Variants in SYNDIG1 observed in about 807,000 individuals in gnomAD.
SYNDIG1 encodes the protein synapse differentiation inducing 1, also known as synapse differentiation-inducing gene protein 1.
A neutral mutation model predicts 19.4 loss-of-function variants in SYNDIG1; 9 were observed. That is an observed-to-expected ratio of 0.46 (90% CI 0.28 to 0.81). The LOEUF (loss-of-function observed/expected upper bound fraction) is 0.81. Ranked by LOEUF, SYNDIG1 falls within the 30% of genes least tolerant of loss-of-function variation. SYNDIG1 has a pLI of 0.12. For missense variants in SYNDIG1, 311 were observed against 343.3 expected, an observed-to-expected ratio of 0.91 and a Z score of 0.74; for synonymous variants, 141 against 145.9, an observed-to-expected ratio of 0.97 and a Z score of 0.24.
intron 3 of SYNDIG1, among the ~76,000 whole-genome samples, chr20:24,648,858 A>G (rs2059444042): frequency 6.6e-6 from 1 of 152,236 alleles, no homozygotes; most frequent in Non-Finnish European, 1.5e-5. Context: ...CACTATTGCT[A>G]TATTCATGTT....
chr20:24,498,741 C>T (rs146733304), intron 1 of SYNDIG1, among the ~76,000 whole-genome samples: 5 of 152,332 alleles, frequency 3.3e-5, no homozygotes, highest in African/African-American at 1.2e-4. Flanking sequence ...TCACAGAGGT[C>T]AGGATTTCCC....
intron 3 of SYNDIG1, among the ~76,000 whole-genome samples, chr20:24,636,925 G>A (rs2059322023): frequency 6.6e-6 from 1 of 152,210 alleles, no homozygotes; most frequent in African/African-American, 2.4e-5. Flanking sequence ...ACAGACCTAG[G>A]TTCTGCCTGG....
chr20:24,641,908 G>A (rs2059380953), intron 3 of SYNDIG1, among the ~76,000 whole-genome samples: 2 of 152,154 alleles, frequency 1.3e-5, no homozygotes, highest in South Asian at 4.1e-4. Flanking sequence ...TCCCTTAACT[G>A]GTTTCTCCTT....
At chr20:24,477,381 C>T (rs1168018677) in intron 1 of SYNDIG1, among the ~76,000 whole-genome samples, 2 of 152,072 alleles carry the variant, frequency 1.3e-5, no homozygotes, top group Non-Finnish European at 2.9e-5. Flanking sequence ...TGGACACCTC[C>T]CTCCTCCCTA....
At chr20:24,578,314 G>C (rs558599011) in intron 2 of SYNDIG1, among the ~76,000 whole-genome samples, 1 of 151,990 alleles carries the variant, frequency 6.6e-6, no homozygotes, top group Non-Finnish European at 1.5e-5. Flanking sequence ...ATGATGGCAC[G>C]TACCTGTAAT....
At chr20:24,479,039 C>T (rs1197169669) in intron 1 of SYNDIG1, among the ~76,000 whole-genome samples, 1 of 152,194 alleles carries the variant, frequency 6.6e-6, no homozygotes, top group Non-Finnish European at 1.5e-5. Flanking sequence ...TGATCTTCCT[C>T]GAATTTCTAT....
chr20:24,566,349 A>G (rs1047483505), intron 2 of SYNDIG1, among the ~76,000 whole-genome samples: 2 of 152,250 alleles, frequency 1.3e-5, no homozygotes, highest in Non-Finnish European at 2.9e-5. Flanking sequence ...TCTAAGATAT[A>G]AATGAAACTA....
chr20:24,560,003 G>A (rs1379893769), intron 2 of SYNDIG1, among the ~76,000 whole-genome samples: 2 of 141,586 alleles, frequency 1.4e-5, no homozygotes, highest in Non-Finnish European at 3.1e-5. Context: ...TCATATTTGG[G>A]AAGGTTTTGG....
At position 24,481,810 on chromosome 20, in the gene SYNDIG1, A is replaced by G. The variant is rs527423986; in HGVS notation, c.-79+12057A>G. On this transcript the variant is annotated intron_variant, in intron 1 of 3. Coordinates refer to ENST00000376862, the MANE Select transcript of SYNDIG1 (RefSeq NM_024893.3). ...AGTAGGTAGTTGGACTGTAAAGTCA[A>G]TTTATATCTCCCTATTTCATAAAAA... Among the ~76,000 whole-genome samples, 59 of 152,348 alleles carry G rather than the reference A, an allele frequency of 3.9e-4. 1 individual carries two copies. Among genetic ancestry groups the G allele is most frequent in the African/African-American group, 5.8e-4 (24 of 41,586 alleles).
At position 24,521,269 on chromosome 20, in the gene SYNDIG1, T is replaced by A. The variant is rs374411390; in HGVS notation, c.-78-21751T>A. 2.0e-5 allele frequency among the ~76,000 whole-genome samples: 3 copies of A among 152,332 alleles called. No homozygotes were observed. The East Asian group carries it at 5.8e-4, about 29-fold the overall frequency. ...TCTGACTACTTCTGCATCATGATGC[T>A]ATGCACTTCAGTGTCCCCAAATCTG... On this transcript the variant is annotated intron_variant, in intron 1 of 3. Coordinates refer to ENST00000376862, the MANE Select transcript of SYNDIG1 (RefSeq NM_024893.3).
intron 1 of SYNDIG1, among the ~76,000 whole-genome samples, chr20:24,508,182 C>G (rs1228796204): frequency 6.7e-6 from 1 of 148,484 alleles, no homozygotes; most frequent in Non-Finnish European, 1.5e-5. Context: ...AAACATTAAC[C>G]ATGAGGTAAG....
At chr20:24,564,206 A>T (rs2146898659) in intron 2 of SYNDIG1, among the ~76,000 whole-genome samples, 1 of 152,358 alleles carries the variant, frequency 6.6e-6, no homozygotes, top group East Asian at 1.9e-4. Flanking sequence ...CATTATTTGA[A>T]TTCAATATAT....
chr20:24,483,223 C>T (rs1360322541), intron 1 of SYNDIG1, among the ~76,000 whole-genome samples: 4 of 152,076 alleles, frequency 2.6e-5, no homozygotes, highest in African/African-American at 7.2e-5. Context: ...GAGTCCAAGC[C>T]GTGGGCACTC....
At chr20:24,659,692 G>A (rs1008613018) in intron 3 of SYNDIG1, among the ~76,000 whole-genome samples, 3 of 152,198 alleles carry the variant, frequency 2.0e-5, no homozygotes, top group African/African-American at 7.2e-5. Context: ...GAGAGGCCTG[G>A]AGAGGGAGCC....
At chr20:24,647,806 A>G (rs1446510741) in intron 3 of SYNDIG1, among the ~76,000 whole-genome samples, 1 of 150,726 alleles carries the variant, frequency 6.6e-6, no homozygotes, top group Non-Finnish European at 1.5e-5. Context: ...AGTTGGGGAC[A>G]GACTGAGCAG....
At chr20:24,486,017 C>T (rs1349954738) in intron 1 of SYNDIG1, among the ~76,000 whole-genome samples, 1 of 152,230 alleles carries the variant, frequency 6.6e-6, no homozygotes, top group Non-Finnish European at 1.5e-5. Flanking sequence ...GAGAACTTAA[C>T]TCTTCCACCC....
chr20:24,665,698 C>T lies in SYNDIG1; in HGVS notation c.*194C>T. On this transcript the variant is annotated 3_prime_UTR_variant, in exon 4 of 4. Coordinates refer to ENST00000376862, the MANE Select transcript of SYNDIG1 (RefSeq NM_024893.3). ...TCACAGCACTGTGTAGAGCACCAGA[C>T]AGACGGGCACTGCTAATCCTTCCAA... is the stretch of plus-strand genomic sequence containing the variant. 1.5e-6 allele frequency: 1 copy of T among 653,576 alleles called. No individual in the cohort carries two copies. 40.5% of individuals were successfully genotyped at this position (653,576 alleles called of 1,614,324 possible).
At chr20:24,640,528 A>AGGAG (rs1555815332) in intron 3 of SYNDIG1, among the ~76,000 whole-genome samples, 4,553 of 111,146 alleles carry the variant, frequency 0.041, 174 homozygotes, top group East Asian at 0.078. Flanking sequence ...GAAGGAAGGA[A>AGGAG]GGAGCTTTTC....
At chr20:24,608,365 G>A (rs1480947226) in intron 3 of SYNDIG1, among the ~76,000 whole-genome samples, 2 of 152,124 alleles carry the variant, frequency 1.3e-5, no homozygotes, top group Non-Finnish European at 2.9e-5. Context: ...TTTTAGTAGA[G>A]ACAGGGTTTC....
Sources: gnomAD v4.1 joint callset for allele counts (sites outside exome capture counted in the v4.1 genomes callset) on GRCh38, gnomAD v4.1.1 for gene constraint, MANE v1.5 for transcripts, NCBI Gene and HGNC (gene_info 2026-07-23, HGNC 2026-07-21) for gene names.